Variants in ARMH4 observed in about 807,000 individuals in gnomAD.
ARMH4 encodes the protein armadillo-like helical domain-containing protein 4.
A neutral mutation model predicts 61.9 loss-of-function variants in ARMH4; 49 were observed. The ratio of observed to expected loss-of-function variants is 0.79; its 90% CI spans 0.63 to 1.00. The LOEUF (loss-of-function observed/expected upper bound fraction) is 1.00, where lower values mean the gene tolerates loss of function less well. ARMH4 is among the 50% of genes least tolerant of loss of function. The pLI is 0.00. For missense variants in ARMH4, 934 were observed against 930.0 expected, an observed-to-expected ratio of 1.00 and a Z score of -0.06; for synonymous variants, 368 against 341.5, an observed-to-expected ratio of 1.08 and a Z score of -0.85.
At chr14:58,087,708 C>T (rs550958784) in intron 5 of ARMH4, among the ~76,000 whole-genome samples, 3 of 152,230 alleles carry the variant, frequency 2.0e-5, no homozygotes, top group Non-Finnish European at 4.4e-5. Context: ...TCCTACATAG[C>T]TGTGAAAACA....
chr14:58,068,405 G>A (rs567775939), intron 5 of ARMH4, among the ~76,000 whole-genome samples: 5 of 152,232 alleles, frequency 3.3e-5, no homozygotes, highest in Admixed American at 6.5e-5. Flanking sequence ...TTCTCAGAAC[G>A]CCACATCCCT....
rs2141119745 is a variant in ARMH4 at position 58,003,090 on chromosome 14, A to T, written c.*1646T>A. The T allele has an allele frequency of 6.6e-6, 1 of 152,346 alleles. No homozygotes were observed. Among genetic ancestry groups the T allele is most frequent in the Non-Finnish European group, 1.5e-5 (1 of 68,026 alleles). The allele number at this position is 152,346 out of a possible 1,614,324, so 9.4% of individuals were successfully genotyped here. A position where few individuals can be genotyped will look rare whatever the true frequency, so the allele number is the denominator to read the frequency against. ...AAGAACTTGTGTGTGAGTAAGAGAG[A>T]AATTAGAAAGGCATCATTCATTTAA... On this transcript the variant is annotated 3_prime_UTR_variant, in exon 8 of 8. Transcript: ENST00000267485.
At chr14:58,147,743 G>T (rs1297586796) in intron 1 of ARMH4, among the ~76,000 whole-genome samples, 1 of 151,950 alleles carries the variant, frequency 6.6e-6, no homozygotes, top group Non-Finnish European at 1.5e-5. Context: ...ACCTAATGAG[G>T]TATACTGTCG....
chr14:58,112,608 G>T (rs1371480081), intron 4 of ARMH4, among the ~76,000 whole-genome samples: 1 of 151,960 alleles, frequency 6.6e-6, no homozygotes, highest in Non-Finnish European at 1.5e-5. Context: ...CAATTTATTT[G>T]TTCACTATTT....
intron 5 of ARMH4, among the ~76,000 whole-genome samples, chr14:58,034,262 G>T (rs1413195312): frequency 7.6e-6 from 1 of 131,984 alleles, no homozygotes; most frequent in African/African-American, 2.9e-5. Flanking sequence ...CATTCTTAAA[G>T]AAAAGAATTT....
At chr14:58,095,025 C>A (rs1385657553) in intron 5 of ARMH4, among the ~76,000 whole-genome samples, 11 of 152,146 alleles carry the variant, frequency 7.2e-5, no homozygotes, top group Non-Finnish European at 1.2e-4. Flanking sequence ...ATACCACAGC[C>A]CAAATGATCA....
intron 5 of ARMH4, among the ~76,000 whole-genome samples, chr14:58,028,111 C>G (rs1883086210): frequency 6.6e-6 from 1 of 152,142 alleles, no homozygotes; most frequent in Non-Finnish European, 1.5e-5. Flanking sequence ...CTTCCTCATT[C>G]CTCAGTCATT....
In ARMH4 at chr14:58,139,152, C is replaced by G. The variant is rs753110691; in HGVS notation, c.207G>C (p.Val69=). Residue 69 remains valine (V), a synonymous_variant, in exon 2 of 8, where the codon GTG becomes GTC. Transcript: ENST00000267485. ...SVTSKQTPQL[V]VSEDPMMMSA... is the part of the protein sequence containing the mutation. ...ACATCATCATTGGATCTTCAGAGAC[C>G]ACCAGTTGGGGAGTCTGCTTTGAGG... 1 of 1,614,160 alleles carries G rather than the reference C, an allele frequency of 6.2e-7. No individual in the cohort carries two copies. Among genetic ancestry groups the G allele is most frequent in the East Asian group, 2.2e-5 (1 of 44,880 alleles).
At chr14:58,107,347 T>C (rs1397737536) in intron 4 of ARMH4, among the ~76,000 whole-genome samples, 2 of 152,238 alleles carry the variant, frequency 1.3e-5, no homozygotes, top group Admixed American at 1.3e-4. Context: ...TTTCTGCCTT[T>C]TTGGAATAGC....
At chr14:58,099,750 C>A (rs1885891768) in intron 4 of ARMH4, among the ~76,000 whole-genome samples, 2 of 152,172 alleles carry the variant, frequency 1.3e-5, no homozygotes, top group Non-Finnish European at 2.9e-5. Context: ...AAGGGGCAAT[C>A]AATGAGGCAG....
chr14:58,078,913 A>G (rs895002604), intron 5 of ARMH4, among the ~76,000 whole-genome samples: 3 of 152,350 alleles, frequency 2.0e-5, no homozygotes, highest in Non-Finnish European at 2.9e-5. Flanking sequence ...ACCATGGCCA[A>G]TGTGAGATGA....
At position 58,139,040 on chromosome 14, in the gene ARMH4, C is replaced by G. The variant is rs967029416; in HGVS notation, c.319G>C (p.Glu107Gln). ...GTAGGTGTGGAAACACCAGGGCGTT[C>G]TGTTTGCATGAGCCCAGCTTGTCCA... ...QPGQAGLMQT[E>Q]RPGVSTPTES... is the part of the protein sequence containing the mutation. Residue 107 changes from glutamate (E) to glutamine (Q), a missense_variant, in exon 2 of 8, where the codon GAA (glutamate) becomes CAA (glutamine). Transcript: ENST00000267485. 1.2e-5 allele frequency: 19 copies of G among 1,614,096 alleles called. No individual in the cohort carries two copies. The highest frequency in any genetic ancestry group is 1.5e-5 in the Non-Finnish European group (18 of 1,180,056).
chr14:58,064,582 A>G (rs1006568277), intron 5 of ARMH4, among the ~76,000 whole-genome samples: 20 of 152,222 alleles, frequency 1.3e-4, no homozygotes, highest in African/African-American at 3.9e-4. Context: ...CACCAGAGCA[A>G]TGTGACAAAG....
chr14:58,131,470 C>T (rs1428511789), intron 4 of ARMH4, 42 bp downstream of exon 4: 2 of 1,516,348 alleles, frequency 1.3e-6, no homozygotes, highest in Admixed American at 1.7e-5. Context: ...CAGTGACTCA[C>T]TCAACCAGTC....
chr14:58,005,334 T>C, intron 6 of ARMH4, 152 bp from the exon 7 acceptor site: 1 of 928,216 alleles, frequency 1.1e-6, no homozygotes, highest in Non-Finnish European at 1.6e-6. Context: ...ATACAGTAAC[T>C]TTTTAGGGAG....
intron 4 of ARMH4, among the ~76,000 whole-genome samples, chr14:58,099,700 A>G (rs1047977024): frequency 6.6e-6 from 1 of 152,172 alleles, no homozygotes; most frequent in Non-Finnish European, 1.5e-5. Context: ...AATATAGAAA[A>G]TAGAACCTGC....
chr14:58,139,136 T>C lies in ARMH4; in HGVS notation c.223A>G (p.Met75Val), dbSNP rs377267186. 51 of 1,614,252 alleles carry C rather than the reference T, an allele frequency of 3.2e-5. 1 individual carries two copies. In the Middle Eastern group the frequency reaches 4.9e-4, roughly 16 times the overall value. ...GCCGATGGTACTGCTGACATCATCA[T>C]TGGATCTTCAGAGACCACCAGTTGG... Reference protein sequence around the residue: ...TPQLVVSEDPMMMSAVPSATS... With the variant: ...TPQLVVSEDPVMMSAVPSATS... Residue 75 changes from methionine (M) to valine (V), a missense_variant, in exon 2 of 8, where the codon ATG becomes GTG. Coordinates refer to ENST00000267485, the MANE Select transcript of ARMH4 (RefSeq NM_001001872.4).
At chr14:58,141,584 G>A (rs1018234245) in intron 1 of ARMH4, 22 of 490,542 alleles carry the variant, frequency 4.5e-5, no homozygotes, top group Non-Finnish European at 8.4e-5. Flanking sequence ...TGCTATGCTT[G>A]CCTGCACCCC....
intron 5 of ARMH4, among the ~76,000 whole-genome samples, chr14:58,028,568 G>A (rs1715755814): frequency 6.6e-6 from 1 of 152,118 alleles, no homozygotes. Context: ...CCATCTTTGT[G>A]CAGGGGTTTC....
Sources: allele counts gnomAD v4.1 joint callset (sites outside exome capture counted in the v4.1 genomes callset), GRCh38; gene constraint gnomAD v4.1.1; transcripts MANE v1.5; gene names NCBI Gene and HGNC (gene_info 2026-07-23, HGNC 2026-07-21).